The following PRRC2C variants were observed in gnomAD, a reference collection of about 807,000 sequenced individuals.
The protein encoded by PRRC2C is proline rich coiled-coil 2C.
Under a neutral mutation model 317.2 loss-of-function variants are expected in PRRC2C, and 72 were observed. That is an observed-to-expected ratio of 0.23 (90% CI 0.19 to 0.28). The LOEUF (loss-of-function observed/expected upper bound fraction) is 0.28. Among genes scored for constraint, PRRC2C ranks in the 10% least tolerant of loss-of-function variants. The probability of loss-of-function intolerance (pLI) is 1.00; values close to 1 mark genes in which losing one functional copy is unlikely to be tolerated. For missense variants in PRRC2C, 3,074 were observed against 3,459.7 expected (o/e 0.89, Z 2.80); for synonymous variants, 1,296 against 1,205.9 (o/e 1.07, Z -1.55).
chr1:171,515,630 G>C (rs1672218571), intron 4 of PRRC2C, 104 bp from the exon 5 acceptor site: 1 of 987,584 alleles, frequency 1.0e-6, no homozygotes, highest in Non-Finnish European at 1.4e-6. Context: ...CTGAAATGTG[G>C]AATAATTTAA....
intron 23 of PRRC2C, among the ~76,000 whole-genome samples, chr1:171,569,878 GA>G (rs1420212064): frequency 6.6e-6 from 1 of 151,846 alleles, no homozygotes; most frequent in African/African-American, 2.4e-5. Context: ...AAATAAGGAA[GA>G]AAAAATTATT....
intron 9 of PRRC2C, 91 bp downstream of exon 9, chr1:171,523,613 G>A (rs1674004080): frequency 9.1e-7 from 1 of 1,102,158 alleles, no homozygotes; most frequent in South Asian, 1.4e-5. Flanking sequence ...ATAGACAATT[G>A]TTTGTTATTT....
intron 10 of PRRC2C, among the ~76,000 whole-genome samples, chr1:171,526,538 A>G (rs886377049): frequency 2.6e-5 from 4 of 152,034 alleles, no homozygotes; most frequent in Admixed American, 6.5e-5. Flanking sequence ...GGGTTTCCCC[A>G]TGTTGGCCAG....
intron 12 of PRRC2C, among the ~76,000 whole-genome samples, chr1:171,534,411 C>G (rs1265297038): frequency 1.3e-5 from 2 of 151,642 alleles, no homozygotes; most frequent in Non-Finnish European, 3.0e-5. Context: ...TTTATATATT[C>G]TCTCTCATGG....
intron 20 of PRRC2C, among the ~76,000 whole-genome samples, chr1:171,564,816 A>C (rs1170657506): frequency 6.6e-6 from 1 of 152,254 alleles, no homozygotes; most frequent in East Asian, 1.9e-4. Flanking sequence ...TATGTGGTCC[A>C]TCATTGGCTA....
At chr1:171,517,880 T>C in intron 6 of PRRC2C, 66 bp downstream of exon 6, 1 of 1,389,298 alleles carries the variant, frequency 7.2e-7, no homozygotes, top group South Asian at 1.3e-5. Context: ...AAGGAGCGAA[T>C]TGTTATAGGG....
intron 24 of PRRC2C, among the ~76,000 whole-genome samples, chr1:171,573,328 T>G (rs1685100061): frequency 6.6e-6 from 1 of 152,204 alleles, no homozygotes; most frequent in Admixed American, 6.5e-5. Flanking sequence ...TTATGTAAGT[T>G]TGATTAGCTA....
Position 171,591,570 on chromosome 1 carries a change from C to G in PRRC2C, c.8437-17C>G, listed in dbSNP as rs774094859. ...TAATGCTGCAGTATTTTCAGTTGTT[C>G]TTTCTCATTTTTTAAGGCAAAGCAG... On this transcript the variant is annotated splice_polypyrimidine_tract_variant and intron_variant, in intron 34 of 34. Coordinates refer to ENST00000647382, the MANE Select transcript of PRRC2C (RefSeq NM_001387844.1). 11 of 1,606,270 alleles carry G rather than the reference C, an allele frequency of 6.8e-6. No homozygotes were observed. In the East Asian group the frequency reaches 1.8e-4, roughly 26 times the overall value.
At chr1:171,527,386 G>A (rs1674831788) in intron 10 of PRRC2C, among the ~76,000 whole-genome samples, 1 of 151,934 alleles carries the variant, frequency 6.6e-6, no homozygotes, top group Non-Finnish European at 1.5e-5. Context: ...GCCTGCCTCG[G>A]CCTCCCAAAG....
rs1383870840 is a variant in PRRC2C, at chr1:171,568,357, G to T, written c.6651+18G>T. 2 of 1,580,938 alleles carry T rather than the reference G, an allele frequency of 1.3e-6. No homozygotes were observed. Among genetic ancestry groups the T allele is most frequent in the Non-Finnish European group, 1.7e-6 (2 of 1,161,594 alleles). On this transcript the variant is annotated intron_variant, in intron 23 of 34. Coordinates refer to ENST00000647382, the MANE Select transcript of PRRC2C (RefSeq NM_001387844.1). ...TTAATAATGTAAGTAATCAGTTTGA[G>T]ATGTGGCAAGTTTGGATTGGAACCT... is the stretch of plus-strand genomic sequence containing the variant.
intron 13 of PRRC2C, 135 bp downstream of exon 13, chr1:171,535,732 A>G (rs1180222239): frequency 8.6e-7 from 1 of 1,165,770 alleles, no homozygotes; most frequent in East Asian, 2.4e-5. Flanking sequence ...CTTGTAAATA[A>G]AAGTTAACGT....
chr1:171,580,305 C>T (rs140692708), intron 28 of PRRC2C, among the ~76,000 whole-genome samples: 8 of 152,226 alleles, frequency 5.3e-5, no homozygotes, highest in African/African-American at 1.4e-4. Flanking sequence ...CCTCTATGTA[C>T]GAGCTGAGGC....
intron 6 of PRRC2C, among the ~76,000 whole-genome samples, chr1:171,520,199 G>A (rs957278311): frequency 2.6e-5 from 4 of 152,184 alleles, no homozygotes; most frequent in Non-Finnish European, 5.9e-5. Flanking sequence ...CTGACTTGAG[G>A]TGATCCTTCC....
intron 20 of PRRC2C, 129 bp from the exon 21 acceptor site, chr1:171,566,104 T>G (rs1183582916): frequency 2.9e-6 from 2 of 690,486 alleles, no homozygotes; most frequent in Non-Finnish European, 4.6e-6. Flanking sequence ...AAAATATAAT[T>G]AATGTCGGTC....
chr1:171,585,395 A>C (rs1246812754), intron 30 of PRRC2C, among the ~76,000 whole-genome samples: 1 of 152,176 alleles, frequency 6.6e-6, no homozygotes, highest in African/African-American at 2.4e-5. Flanking sequence ...GTTTAAAACT[A>C]TCTCTAATAA....
chr1:171,547,708 A>G (rs527897616), intron 17 of PRRC2C, among the ~76,000 whole-genome samples: 1 of 144,236 alleles, frequency 6.9e-6, no homozygotes, highest in Non-Finnish European at 1.5e-5. Flanking sequence ...CGGTGGTGTA[A>G]TCTCAGCTCA....
chr1:171,501,124 T>G (rs568589679), intron 1 of PRRC2C, among the ~76,000 whole-genome samples: 11 of 152,212 alleles, frequency 7.2e-5, no homozygotes, highest in Non-Finnish European at 1.6e-4. Context: ...CTTGAACTCC[T>G]GGGCTCAAGT....
chr1:171,498,332 C>G (rs1025971047), intron 1 of PRRC2C, among the ~76,000 whole-genome samples: 2 of 152,078 alleles, frequency 1.3e-5, no homozygotes, highest in African/African-American at 4.8e-5. Context: ...ATCAAGTTAT[C>G]GACAGGCAGG....
intron 12 of PRRC2C, among the ~76,000 whole-genome samples, chr1:171,534,048 T>G (rs1478188136): frequency 6.6e-6 from 1 of 152,232 alleles, no homozygotes; most frequent in East Asian, 1.9e-4. Context: ...TACAAGGCAC[T>G]GCTGCTTAAA....
Sources: allele counts gnomAD v4.1 joint callset (sites outside exome capture counted in the v4.1 genomes callset), GRCh38; gene constraint gnomAD v4.1.1; transcripts MANE v1.5; gene names NCBI Gene and HGNC (gene_info 2026-07-23, HGNC 2026-07-21).